The following TUT4 variants were observed in gnomAD, a reference collection of about 807,000 sequenced individuals.
The protein encoded by TUT4 is terminal uridylyltransferase 4.
Under a neutral mutation model 192.2 loss-of-function variants are expected in TUT4, and 36 were observed. That is an observed-to-expected ratio of 0.19 (90% CI 0.14 to 0.25). The LOEUF (loss-of-function observed/expected upper bound fraction) is 0.25, where lower values mean the gene tolerates loss of function less well. TUT4 is among the 10% of genes least tolerant of loss of function. TUT4 has a pLI of 1.00. For missense variants in TUT4, 1,493 were observed against 1,957.2 expected, an observed-to-expected ratio of 0.76 and a Z score of 4.47; for synonymous variants, 618 against 666.0, an observed-to-expected ratio of 0.93 and a Z score of 1.11.
At chr1:52,429,548 CTT>C (rs1279403851) in intron 28 of TUT4, among the ~76,000 whole-genome samples, 2 of 134,178 alleles carry the variant, frequency 1.5e-5, no homozygotes, top group Non-Finnish European at 3.0e-5. Context: ...CACTTTGAGA[CTT>C]TGTCTAAATA....
chr1:52,498,692 C>A (rs2149178184), intron 4 of TUT4, among the ~76,000 whole-genome samples: 1 of 151,154 alleles, frequency 6.6e-6, no homozygotes. Flanking sequence ...ATGCAGACAA[C>A]CCTGGCCAAC....
intron 2 of TUT4, among the ~76,000 whole-genome samples, chr1:52,522,284 C>CT (rs1680496484): frequency 6.6e-6 from 1 of 152,146 alleles, no homozygotes; most frequent in South Asian, 2.1e-4. Flanking sequence ...TACTAGCTTC[C>CT]TTAAGCTAGC....
At chr1:52,493,693 C>T (rs748657857) in intron 6 of TUT4, 31 bp from the exon 7 acceptor site, 1 of 1,383,674 alleles carries the variant, frequency 7.2e-7, no homozygotes, top group Admixed American at 2.2e-5. Context: ...AATCGATATA[C>T]TAATTTCAAA....
chr1:52,540,647 ATG>A (rs1323927928), intron 1 of TUT4, among the ~76,000 whole-genome samples: 4 of 152,298 alleles, frequency 2.6e-5, no homozygotes, highest in African/African-American at 9.6e-5. Context: ...TTATACATTA[ATG>A]AGGCACCCTG....
chr1:52,464,341 G>A (rs371981928), intron 16 of TUT4, among the ~76,000 whole-genome samples: 5 of 151,968 alleles, frequency 3.3e-5, no homozygotes, highest in East Asian at 1.9e-4. Flanking sequence ...TGCAACCTCC[G>A]CCTCCTGGGT....
chr1:52,481,840 T>C lies in TUT4; in HGVS notation c.1599A>G (p.Arg533=). Residue 533 remains arginine, a synonymous_variant, in exon 10 of 30, where the codon AGA becomes AGG. Transcript: ENST00000257177. ...ALMVMFFLQQ[R]KPPLLPCLLG... ...GTAAGCAAGGAAGAAGAGGGGGTTT[T>C]CTCTGTTGTAGAAAAAACATCACCA... is the stretch of plus-strand genomic sequence containing the variant. The C allele has an allele frequency of 6.3e-7, 1 of 1,597,160 alleles. No individual in the cohort carries two copies. Among genetic ancestry groups the C allele is most frequent in the South Asian group, 1.2e-5 (1 of 86,868 alleles).
chr1:52,435,222 T>G (rs1653376325), intron 27 of TUT4, 143 bp downstream of exon 27: 1 of 518,012 alleles, frequency 1.9e-6, no homozygotes, highest in Non-Finnish European at 3.2e-6. Flanking sequence ...TCATTCCACC[T>G]TATGTGCCTA....
At chr1:52,525,527 A>C (rs1204636270) in intron 2 of TUT4, 36 bp downstream of exon 2, 2 of 1,578,396 alleles carry the variant, frequency 1.3e-6, no homozygotes, top group Non-Finnish European at 1.7e-6. Flanking sequence ...TCTAAAGAAC[A>C]TTAATATACA....
intron 1 of TUT4, chr1:52,535,007 ACTT>A (rs1342546038): frequency 6.6e-6 from 1 of 152,090 alleles, no homozygotes; most frequent in Non-Finnish European, 1.5e-5. Flanking sequence ...CTCTAAGAAA[ACTT>A]CTAGGATGAT....
chr1:52,453,211 C>G (rs1392353035), intron 20 of TUT4, among the ~76,000 whole-genome samples: 1 of 151,952 alleles, frequency 6.6e-6, no homozygotes, highest in African/African-American at 2.4e-5. Context: ...GAAACCCCGT[C>G]TCTACTAAAA....
At chr1:52,428,429 C>T (rs1045002632) in intron 28 of TUT4, among the ~76,000 whole-genome samples, 1 of 152,048 alleles carries the variant, frequency 6.6e-6, no homozygotes, top group Admixed American at 6.6e-5. Context: ...AAGTTCAAGA[C>T]CAGCTTGACC....
chr1:52,476,810 T>TGAGG (rs1319922090), intron 12 of TUT4, among the ~76,000 whole-genome samples: 3 of 152,178 alleles, frequency 2.0e-5, no homozygotes, highest in Admixed American at 2.0e-4. Flanking sequence ...CCAGCAGGTG[T>TGAGG]GAGGGAATGG....
intron 24 of TUT4, among the ~76,000 whole-genome samples, chr1:52,439,591 C>T (rs565812311): frequency 3.3e-4 from 50 of 152,260 alleles, no homozygotes; most frequent in Admixed American, 2.5e-3. Flanking sequence ...ATAAGAGACA[C>T]GCCCAATAAG....
At chr1:52,507,443 T>C (rs993265153) in intron 4 of TUT4, among the ~76,000 whole-genome samples, 6 of 152,178 alleles carry the variant, frequency 3.9e-5, no homozygotes, top group African/African-American at 1.4e-4. Flanking sequence ...CTCTGTCGCC[T>C]GAAAACCACT....
rs1463016140 is a variant in TUT4 at position 52,475,140 on chromosome 1, C to T, written c.2419G>A (p.Glu807Lys). 1 of 1,614,032 alleles carries T rather than the reference C, an allele frequency of 6.2e-7. No homozygotes were observed. The highest frequency in any genetic ancestry group is 1.3e-5 in the African/African-American group (1 of 74,912). The change falls in exon 13 of 30, where the codon GAA becomes AAA. Residue 807 changes from glutamate to lysine, a missense_variant. Glu to Lys is a moderately conservative substitution (Grantham distance 56). Coordinates refer to ENST00000257177, the MANE Select transcript of TUT4 (RefSeq NM_001009881.3). Reference protein sequence around the residue: ...SSSLSTSKSSEIEPKLDKKQD... With the variant: ...SSSLSTSKSSKIEPKLDKKQD... The stretch of plus-strand genomic sequence containing the variant: ...TTCTTATCTAATTTTGGCTCTATTT[C>T]ACTGCTTTTGCTGGTAGAAAGAGAT...
intron 22 of TUT4, 83 bp from the exon 23 acceptor site, chr1:52,446,087 T>C: frequency 7.4e-7 from 1 of 1,346,612 alleles, no homozygotes; most frequent in Admixed American, 2.1e-5. Context: ...TGAAGTCTAA[T>C]ACTTATATGT....
chr1:52,438,404 C>A, intron 24 of TUT4, 69 bp from the exon 25 acceptor site: 4 of 1,031,580 alleles, frequency 3.9e-6, no homozygotes, highest in South Asian at 2.9e-5. Flanking sequence ...GGAAAGAAGA[C>A]CAAGATGCAA....
At chr1:52,551,978 G>C (rs1274215431) in intron 1 of TUT4, among the ~76,000 whole-genome samples, 3 of 152,132 alleles carry the variant, frequency 2.0e-5, no homozygotes, top group South Asian at 4.1e-4. Context: ...TACACAATTC[G>C]AATTGCATTT....
intron 1 of TUT4, among the ~76,000 whole-genome samples, chr1:52,531,966 C>A (rs1455408014): frequency 7.1e-6 from 1 of 140,426 alleles, no homozygotes; most frequent in Admixed American, 7.4e-5. Flanking sequence ...CAGCTCACTG[C>A]AACCTCCACT....
Sources: allele counts gnomAD v4.1 joint callset (sites outside exome capture counted in the v4.1 genomes callset), GRCh38; gene constraint gnomAD v4.1.1; transcripts MANE v1.5; gene names NCBI Gene and HGNC (gene_info 2026-07-23, HGNC 2026-07-21).